The following AGBL4 variants were observed in gnomAD, a reference collection of about 807,000 sequenced individuals.
AGBL4 encodes the protein AGBL carboxypeptidase 4.
In AGBL4, 58 loss-of-function variants were observed where a neutral mutation model predicts 66.4. The observed-to-expected ratio is 0.87, with a 90% confidence interval of 0.71 to 1.09. The LOEUF (loss-of-function observed/expected upper bound fraction) is 1.09, where lower values mean the gene tolerates loss of function less well. Ranked by LOEUF, AGBL4 falls within the 50% of genes least tolerant of loss-of-function variation. The pLI is 0.00. For missense variants in AGBL4, 579 were observed against 631.0 expected (o/e 0.92, Z 0.88); for synonymous variants, 234 against 222.9 (o/e 1.05, Z -0.44).
At chr1:49,305,544 T>G (rs893303315) in intron 3 of AGBL4, among the ~76,000 whole-genome samples, 1 of 152,236 alleles carries the variant, frequency 6.6e-6, no homozygotes. Flanking sequence ...CATATATAAG[T>G]GTACATATGC....
At chr1:49,535,966 C>T (rs549444623) in intron 3 of AGBL4, among the ~76,000 whole-genome samples, 1 of 152,222 alleles carries the variant, frequency 6.6e-6, no homozygotes, top group African/African-American at 2.4e-5. Flanking sequence ...GCTGGGATTA[C>T]AGGCGTGAGC....
At chr1:49,506,282 C>T (rs934127203) in intron 3 of AGBL4, among the ~76,000 whole-genome samples, 10 of 151,992 alleles carry the variant, frequency 6.6e-5, no homozygotes, top group East Asian at 1.9e-4. Context: ...ATCTTTTACA[C>T]AAATTTTTAT....
intron 2 of AGBL4, among the ~76,000 whole-genome samples, chr1:49,715,988 GC>G: frequency 6.6e-6 from 1 of 152,148 alleles, no homozygotes; most frequent in East Asian, 1.9e-4. Context: ...GGCTTTTGTT[GC>G]CATTGTTTTT....
At chr1:49,936,443 A>T (rs903929553) in intron 1 of AGBL4, among the ~76,000 whole-genome samples, 5 of 152,136 alleles carry the variant, frequency 3.3e-5, no homozygotes, top group Admixed American at 1.3e-4. Context: ...ACTTCCCCAA[A>T]CTAGCAAGGC....
At chr1:48,971,263 C>T (rs937014101) in intron 5 of AGBL4, among the ~76,000 whole-genome samples, 5 of 152,068 alleles carry the variant, frequency 3.3e-5, no homozygotes, top group African/African-American at 1.2e-4. Context: ...GGAGTGAGAA[C>T]CCTATTGTGA....
At chr1:49,144,570 C>G (rs1017134498) in intron 4 of AGBL4, among the ~76,000 whole-genome samples, 1 of 151,244 alleles carries the variant, frequency 6.6e-6, no homozygotes, top group Non-Finnish European at 1.5e-5. Flanking sequence ...AACACAAATA[C>G]ACATCTGCTG....
intron 6 of AGBL4, among the ~76,000 whole-genome samples, chr1:48,812,714 T>C (rs570399556): frequency 5.3e-4 from 80 of 152,286 alleles, no homozygotes; most frequent in African/African-American, 1.9e-3. Context: ...CCAACCCAAA[T>C]GTCCAACAAT....
In AGBL4 at chr1:49,345,971, T is replaced by C. The variant is rs145844085; in HGVS notation, c.283-100107A>G. ...ACTTACAGAACCAATAAAAGACCCT[T>C]GGGCTGAGCTCAAAGCTTAAAAAGT... is the stretch of plus-strand genomic sequence containing the variant. On this transcript the variant is annotated intron_variant, in intron 3 of 13. Coordinates refer to ENST00000371839, the MANE Select transcript of AGBL4 (RefSeq NM_032785.4). Among the ~76,000 whole-genome samples, 65 of 152,258 alleles carry C rather than the reference T, an allele frequency of 4.3e-4. No individual in the cohort carries two copies. The East Asian group carries it at 6.8e-3, about 16-fold the overall frequency.
At chr1:48,734,123 C>G (rs746181434) in intron 6 of AGBL4, among the ~76,000 whole-genome samples, 1 of 152,204 alleles carries the variant, frequency 6.6e-6, no homozygotes, top group Non-Finnish European at 1.5e-5. Context: ...TTTACCATTT[C>G]AGACAGCAGC....
At chr1:49,413,462 G>A (rs959694696) in intron 3 of AGBL4, among the ~76,000 whole-genome samples, 3 of 152,178 alleles carry the variant, frequency 2.0e-5, no homozygotes, top group African/African-American at 7.2e-5. Context: ...AAATATGAAT[G>A]AGGAAGTTCC....
At position 49,074,942 on chromosome 1, in the gene AGBL4, C is replaced by T. The variant is rs367643498; in HGVS notation, c.378-29142G>A. Among the ~76,000 whole-genome samples, 13 of 152,168 alleles carry T rather than the reference C, an allele frequency of 8.5e-5. 1 individual carries two copies. The highest frequency in any genetic ancestry group is 6.8e-3 in the Middle Eastern group (2 of 294). On this transcript the variant is annotated intron_variant, in intron 4 of 13. Transcript: ENST00000371839. Reference sequence around the variant, plus strand: ...ACTCTTTTCCTAAACTCCATGTATACGCACCAAGACAAAATATTAGGCCAA... The same window carrying T: ...ACTCTTTTCCTAAACTCCATGTATATGCACCAAGACAAAATATTAGGCCAA...
chr1:49,858,902 G>T (rs1646497660), intron 1 of AGBL4, among the ~76,000 whole-genome samples: 1 of 152,102 alleles, frequency 6.6e-6, no homozygotes, highest in Non-Finnish European at 1.5e-5. Flanking sequence ...TATAATCCCA[G>T]CTACTTGGGA....
At chr1:49,828,163 AC>A (rs1645560745) in intron 2 of AGBL4, among the ~76,000 whole-genome samples, 1 of 152,184 alleles carries the variant, frequency 6.6e-6, no homozygotes, top group African/African-American at 2.4e-5. Flanking sequence ...TTATCTTTGT[AC>A]CTTCAGTATC....
In AGBL4 at chr1:49,655,040, T is replaced by C. The variant is rs190252763; in HGVS notation, c.282+42273A>G. ...CATCAATGGTCTTTATAATTTGGCA[T>C]GTTTTTGCAGATGCTCATACCGGTT... On this transcript the variant is annotated intron_variant, in intron 3 of 13. Transcript: ENST00000371839. 3.9e-5 allele frequency among the ~76,000 whole-genome samples: 6 copies of C among 152,330 alleles called. No homozygotes were observed. The East Asian group carries it at 1.2e-3, about 29-fold the overall frequency.
chr1:49,651,715 C>A (rs1646008899), intron 3 of AGBL4, among the ~76,000 whole-genome samples: 1 of 151,910 alleles, frequency 6.6e-6, no homozygotes, highest in African/African-American at 2.4e-5. Flanking sequence ...AAAAAGAAAT[C>A]CCACTCAAAC....
chr1:49,525,948 C>T (rs1403717321), intron 3 of AGBL4, among the ~76,000 whole-genome samples: 11 of 151,680 alleles, frequency 7.3e-5, no homozygotes, highest in Non-Finnish European at 2.9e-5. Context: ...AAAAATTAGC[C>T]GGGCATGGTG....
At chr1:50,013,088 C>CT (rs1394778646) in intron 1 of AGBL4, among the ~76,000 whole-genome samples, 1 of 152,138 alleles carries the variant, frequency 6.6e-6, no homozygotes, top group African/African-American at 2.4e-5. Context: ...TGAAGAAACT[C>CT]TATCGAATTA....
intron 4 of AGBL4, among the ~76,000 whole-genome samples, chr1:49,089,783 G>C (rs2147976262): frequency 6.6e-6 from 1 of 151,976 alleles, no homozygotes; most frequent in South Asian, 2.1e-4. Context: ...ACTTGGCAGA[G>C]ACACACACAC....
At chr1:48,936,740 C>A (rs1254150728) in intron 5 of AGBL4, among the ~76,000 whole-genome samples, 1 of 152,154 alleles carries the variant, frequency 6.6e-6, no homozygotes, top group Non-Finnish European at 1.5e-5. Flanking sequence ...TTGCAAAGAT[C>A]TTTTTCCTTT....
Sources: gnomAD v4.1 joint callset for allele counts (sites outside exome capture counted in the v4.1 genomes callset) on GRCh38, gnomAD v4.1.1 for gene constraint, MANE v1.5 for transcripts, NCBI Gene and HGNC (gene_info 2026-07-23, HGNC 2026-07-21) for gene names.